The following CCBE1 variants were observed in gnomAD, a reference collection of about 807,000 sequenced individuals.
CCBE1 encodes the protein collagen and calcium-binding EGF domain-containing protein 1.
CCBE1 carries 37 observed loss-of-function variants against 50.0 expected under a neutral mutation model. That is an observed-to-expected ratio of 0.74 (90% CI 0.57 to 0.97). The LOEUF (loss-of-function observed/expected upper bound fraction) is 0.97. CCBE1 is among the 50% of genes least tolerant of loss of function. CCBE1 has a pLI of 0.00. For synonymous variants in CCBE1, 234 were observed against 203.7 expected, an observed-to-expected ratio of 1.15 and a Z score of -1.27; for missense variants, 538 against 523.8, an observed-to-expected ratio of 1.03 and a Z score of -0.26.
chr18:59,619,423 G>T (rs902593820), intron 2 of CCBE1, among the ~76,000 whole-genome samples: 1 of 152,204 alleles, frequency 6.6e-6, no homozygotes, highest in African/African-American at 2.4e-5. Flanking sequence ...GGCTTAAGCA[G>T]TTGTCCTGCC....
At chr18:59,567,239 C>T (rs2052844256) in intron 2 of CCBE1, among the ~76,000 whole-genome samples, 2 of 152,008 alleles carry the variant, frequency 1.3e-5, no homozygotes, top group African/African-American at 4.8e-5. Context: ...CTGCTTCAGC[C>T]TCCCAAGTAG....
chr18:59,662,011 G>A (rs1298435260), intron 2 of CCBE1, among the ~76,000 whole-genome samples: 1 of 151,938 alleles, frequency 6.6e-6, no homozygotes, highest in Non-Finnish European at 1.5e-5. Context: ...GTTACAACCA[G>A]CAGCATTGTA....
chr18:59,469,819 G>A (rs1383352311), intron 3 of CCBE1, among the ~76,000 whole-genome samples: 1 of 152,154 alleles, frequency 6.6e-6, no homozygotes, highest in East Asian at 1.9e-4. Flanking sequence ...CATCACTCGT[G>A]ATTTTTCCCC....
At chr18:59,568,320 G>C (rs1270967484) in intron 2 of CCBE1, 2 of 152,134 alleles carry the variant, frequency 1.3e-5, no homozygotes, top group South Asian at 2.1e-4. Context: ...CCGTGTAAAT[G>C]GACAGGACAG....
chr18:59,649,499 A>G (rs2054099718), intron 2 of CCBE1, among the ~76,000 whole-genome samples: 1 of 151,680 alleles, frequency 6.6e-6, no homozygotes, highest in Admixed American at 6.5e-5. Flanking sequence ...CCATAATAAC[A>G]GACAGACATT....
chr18:59,692,284 T>G (rs959827441), intron 2 of CCBE1, among the ~76,000 whole-genome samples: 1 of 152,172 alleles, frequency 6.6e-6, no homozygotes, highest in African/African-American at 2.4e-5. Flanking sequence ...TTTCAAAGCA[T>G]TTTACATGTA....
chr18:59,646,422 AAG>A (rs1392337858), intron 2 of CCBE1, among the ~76,000 whole-genome samples: 7 of 152,192 alleles, frequency 4.6e-5, no homozygotes, highest in Non-Finnish European at 8.8e-5. Context: ...ACTAGCTTCT[AAG>A]AGGGGAAATC....
At chr18:59,669,742 C>G (rs973985312) in intron 2 of CCBE1, among the ~76,000 whole-genome samples, 6 of 152,190 alleles carry the variant, frequency 3.9e-5, no homozygotes, top group Non-Finnish European at 7.3e-5. Flanking sequence ...CGGAGGGGCA[C>G]TGGAGTTAGG....
At chr18:59,645,585 C>T (rs2054044789) in intron 2 of CCBE1, among the ~76,000 whole-genome samples, 1 of 152,106 alleles carries the variant, frequency 6.6e-6, no homozygotes, top group African/African-American at 2.4e-5. Context: ...TTAAGATGTT[C>T]AAATGGAATA....
chr18:59,439,425 C>G (rs942644048), intron 9 of CCBE1, 118 bp downstream of exon 9: 1 of 1,225,584 alleles, frequency 8.2e-7, no homozygotes, highest in Non-Finnish European at 1.2e-6. Context: ...CAAGATTGTG[C>G]CATTGCACTC....
At chr18:59,579,188 G>A (rs2564485) in intron 2 of CCBE1, among the ~76,000 whole-genome samples, 28,919 of 151,942 alleles carry the variant, frequency 0.19, 4,503 homozygotes, top group African/African-American at 0.43. Flanking sequence ...GACAACTACT[G>A]TAATTGTGTA....
At chr18:59,643,681 T>C (rs777969949) in intron 2 of CCBE1, among the ~76,000 whole-genome samples, 2 of 151,870 alleles carry the variant, frequency 1.3e-5, no homozygotes, top group Admixed American at 1.3e-4. Flanking sequence ...ATTAGCCAAG[T>C]GTGGGGGCGC....
intron 2 of CCBE1, among the ~76,000 whole-genome samples, chr18:59,494,308 T>G (rs563726059): frequency 1.4e-4 from 21 of 152,332 alleles, no homozygotes; most frequent in African/African-American, 5.1e-4. Context: ...TTCTCTGTTG[T>G]GCAAGCTCAG....
chr18:59,694,040 T>C (rs2144756729), intron 2 of CCBE1, among the ~76,000 whole-genome samples: 1 of 151,988 alleles, frequency 6.6e-6, no homozygotes, highest in East Asian at 1.9e-4. Context: ...CCATGCTAAT[T>C]TTTGTATTTT....
In CCBE1 at chr18:59,459,184, T is replaced by G. The variant is rs181271950; in HGVS notation, c.554-4233A>C. On this transcript the variant is annotated intron_variant, in intron 5 of 10. Coordinates refer to ENST00000439986, the MANE Select transcript of CCBE1 (RefSeq NM_133459.4). ...ATTGTCGGTATTACTATGATTCAGT[T>G]CTCTACAAAATCAGATATGTGGGGT... 1.8e-4 allele frequency: 27 copies of G among 152,312 alleles called. No homozygotes were observed. The East Asian group carries it at 4.0e-3, about 23-fold the overall frequency. 9.4% of individuals were successfully genotyped at this position (152,312 alleles called of 1,614,324 possible). A position where few individuals can be genotyped will look rare whatever the true frequency, so the allele number is the denominator to read the frequency against.
At chr18:59,503,413 T>C (rs1012460569) in intron 2 of CCBE1, among the ~76,000 whole-genome samples, 3 of 152,220 alleles carry the variant, frequency 2.0e-5, no homozygotes, top group South Asian at 2.1e-4. Flanking sequence ...TTAGGCAACA[T>C]GGCCTGGTCA....
chr18:59,467,097 G>C (rs1466697409), intron 4 of CCBE1, among the ~76,000 whole-genome samples: 1 of 152,238 alleles, frequency 6.6e-6, no homozygotes, highest in Non-Finnish European at 1.5e-5. Flanking sequence ...ATTGTTACAG[G>C]CTGATCAGTG....
chr18:59,599,729 T>C (rs2053405699), intron 2 of CCBE1, among the ~76,000 whole-genome samples: 1 of 152,180 alleles, frequency 6.6e-6, no homozygotes, highest in African/African-American at 2.4e-5. Context: ...GGAGCAATAA[T>C]TCCTACCTGA....
At chr18:59,548,201 A>G (rs975133101) in intron 2 of CCBE1, among the ~76,000 whole-genome samples, 2 of 152,178 alleles carry the variant, frequency 1.3e-5, no homozygotes, top group African/African-American at 2.4e-5. Context: ...TGTTGGGGCC[A>G]AGACTATGCC....
Sources: gnomAD v4.1 joint callset for allele counts (sites outside exome capture counted in the v4.1 genomes callset) on GRCh38, gnomAD v4.1.1 for gene constraint, MANE v1.5 for transcripts, NCBI Gene and HGNC (gene_info 2026-07-23, HGNC 2026-07-21) for gene names.